CDH8: variants seen among roughly 807,000 people sequenced by gnomAD.
CDH8 encodes cadherin-8.
CDH8 carries 17 observed loss-of-function variants against 68.1 expected under a neutral mutation model. The observed-to-expected ratio is 0.25, with a 90% CI of 0.17 to 0.37. CDH8 has a LOEUF of 0.37. CDH8 is among the 10% of genes least tolerant of loss of function. The pLI is 1.00. For synonymous variants in CDH8, 372 were observed against 365.1 expected, an observed-to-expected ratio of 1.02 and a Z score of -0.21; for missense variants, 763 against 999.3, an observed-to-expected ratio of 0.76 and a Z score of 3.19.
chr16:61,979,055 GAA>G (rs201715855), intron 2 of CDH8, among the ~76,000 whole-genome samples: 2 of 109,578 alleles, frequency 1.8e-5, no homozygotes, highest in African/African-American at 3.4e-5. Context: ...CTTCTAGAAA[GAA>G]AAAAAAAAAA....
chr16:61,677,095 C>T (rs148643189), intron 10 of CDH8, among the ~76,000 whole-genome samples: 1 of 151,986 alleles, frequency 6.6e-6, no homozygotes, highest in Admixed American at 6.6e-5. Flanking sequence ...GCTTGGTTTT[C>T]CTTCAGGTCT....
intron 4 of CDH8, among the ~76,000 whole-genome samples, chr16:61,832,655 C>CT (rs2143004956): frequency 6.6e-6 from 1 of 151,666 alleles, no homozygotes; most frequent in African/African-American, 2.4e-5. Context: ...TAGATGTTCA[C>CT]TTTTCTGTAC....
chr16:61,778,441 A>C (rs1336397530), intron 8 of CDH8, among the ~76,000 whole-genome samples: 4 of 152,156 alleles, frequency 2.6e-5, no homozygotes, highest in Non-Finnish European at 5.9e-5. Flanking sequence ...GCAATGCAGA[A>C]ACATAACTGC....
intron 7 of CDH8, among the ~76,000 whole-genome samples, chr16:61,801,171 C>A (rs1961617415): frequency 6.6e-6 from 1 of 151,556 alleles, no homozygotes; most frequent in Non-Finnish European, 1.5e-5. Flanking sequence ...TCTCAAGATT[C>A]TTGTGCAATC....
intron 4 of CDH8, among the ~76,000 whole-genome samples, chr16:61,836,547 G>A (rs1465263302): frequency 6.6e-6 from 1 of 151,982 alleles, no homozygotes; most frequent in Non-Finnish European, 1.5e-5. Flanking sequence ...ACTGCACAAA[G>A]CTGTAAAGAC....
chr16:61,848,232 C>A (rs1205008530), intron 4 of CDH8, among the ~76,000 whole-genome samples: 2 of 152,000 alleles, frequency 1.3e-5, no homozygotes, highest in African/African-American at 4.8e-5. Context: ...TACATTTTTT[C>A]TTTTGCTTCC....
intron 3 of CDH8, among the ~76,000 whole-genome samples, chr16:61,891,990 G>A (rs2143198333): frequency 6.6e-6 from 1 of 152,278 alleles, no homozygotes; most frequent in East Asian, 1.9e-4. Flanking sequence ...GTTGAAGACA[G>A]TTTGTCAGTA....
At chr16:62,029,450 T>G (rs2150620894) in intron 1 of CDH8, among the ~76,000 whole-genome samples, 1 of 152,290 alleles carries the variant, frequency 6.6e-6, no homozygotes, top group East Asian at 1.9e-4. Flanking sequence ...TAGCTTTCCC[T>G]CTCCACAACT....
intron 8 of CDH8, among the ~76,000 whole-genome samples, chr16:61,756,380 C>G (rs960707762): frequency 1.3e-5 from 2 of 152,120 alleles, no homozygotes; most frequent in East Asian, 3.9e-4. Flanking sequence ...TCAAGAAATT[C>G]CCCAGATGAA....
chr16:61,801,992 TA>T (rs1961654498), intron 7 of CDH8, among the ~76,000 whole-genome samples: 2 of 141,968 alleles, frequency 1.4e-5, no homozygotes, highest in Non-Finnish European at 3.0e-5. Context: ...CCTGCCTCTG[TA>T]GGCTCCACCT....
chr16:62,000,399 C>T (rs906131165), intron 2 of CDH8, among the ~76,000 whole-genome samples: 1 of 152,164 alleles, frequency 6.6e-6, no homozygotes, highest in African/African-American at 2.4e-5. Context: ...AATGGTTGAA[C>T]TAATTTACAC....
At chr16:62,020,265 T>C (rs1166385963) in intron 2 of CDH8, among the ~76,000 whole-genome samples, 1 of 152,156 alleles carries the variant, frequency 6.6e-6, no homozygotes, top group East Asian at 1.9e-4. Context: ...CTAAAGCTTA[T>C]CAAGAAAATC....
chr16:61,929,296 G>A (rs1233093112), intron 2 of CDH8, among the ~76,000 whole-genome samples: 4 of 152,132 alleles, frequency 2.6e-5, no homozygotes, highest in East Asian at 1.9e-4. Flanking sequence ...TATTCTGTAC[G>A]GAATGGATGA....
At chr16:62,032,201 T>TA (rs1567576325) in intron 1 of CDH8, among the ~76,000 whole-genome samples, 1 of 152,038 alleles carries the variant, frequency 6.6e-6, no homozygotes, top group Non-Finnish European at 1.5e-5. Context: ...CAAATCAGAG[T>TA]AGCCAGAAAG....
chr16:61,801,370 T>C (rs1350949689), intron 7 of CDH8, among the ~76,000 whole-genome samples: 1 of 152,124 alleles, frequency 6.6e-6, no homozygotes, highest in Non-Finnish European at 1.5e-5. Context: ...ACACTGTAGG[T>C]TGAGAAGTGT....
chr16:61,807,974 G>A (rs1052915009), intron 7 of CDH8, among the ~76,000 whole-genome samples: 6 of 152,160 alleles, frequency 3.9e-5, no homozygotes, highest in Admixed American at 1.3e-4. Context: ...ATGGGAATAA[G>A]AATATGTGTA....
At chr16:61,997,231 T>G (rs1383167693) in intron 2 of CDH8, among the ~76,000 whole-genome samples, 1 of 152,172 alleles carries the variant, frequency 6.6e-6, no homozygotes, top group Non-Finnish European at 1.5e-5. Context: ...AATCCTGCCT[T>G]ATGGTACACT....
intron 10 of CDH8, among the ~76,000 whole-genome samples, chr16:61,686,208 A>C (rs1050634454): frequency 6.6e-5 from 10 of 152,022 alleles, no homozygotes; most frequent in African/African-American, 2.4e-4. Flanking sequence ...TGTTTAGAAA[A>C]ATTATTCAAA....
At chr16:61,966,540 A>C (rs1184354994) in intron 2 of CDH8, among the ~76,000 whole-genome samples, 2 of 152,084 alleles carry the variant, frequency 1.3e-5, no homozygotes, top group Admixed American at 1.3e-4. Context: ...CCATCTCAAA[A>C]TAAAAAAAAA....
Sources: gnomAD v4.1 joint callset for allele counts (sites outside exome capture counted in the v4.1 genomes callset) on GRCh38, gnomAD v4.1.1 for gene constraint, MANE v1.5 for transcripts, NCBI Gene and HGNC (gene_info 2026-07-23, HGNC 2026-07-21) for gene names.